The following ASIC2 variants were observed in gnomAD, a reference collection of about 807,000 sequenced individuals.
The protein encoded by ASIC2 is acid sensing ion channel subunit 2, also known as acid-sensing ion channel 2.
A neutral mutation model predicts 57.3 loss-of-function variants in ASIC2; 25 were observed. That is an observed-to-expected ratio of 0.44 (90% CI 0.32 to 0.61). The LOEUF (loss-of-function observed/expected upper bound fraction) is 0.61. Ranked by LOEUF, ASIC2 falls within the 20% of genes least tolerant of loss-of-function variation. The pLI is 0.06. For missense variants in ASIC2, 641 were observed against 738.1 expected, an observed-to-expected ratio of 0.87 and a Z score of 1.52; for synonymous variants, 319 against 307.5, an observed-to-expected ratio of 1.04 and a Z score of -0.39.
chr17:33,247,743 C>T (rs980273588), intron 1 of ASIC2, among the ~76,000 whole-genome samples: 7 of 152,092 alleles, frequency 4.6e-5, no homozygotes, highest in East Asian at 1.9e-4. Flanking sequence ...GACAGGAGGG[C>T]GAGTCTTCCC....
intron 1 of ASIC2, among the ~76,000 whole-genome samples, chr17:34,051,468 T>C (rs1377300973): frequency 6.6e-6 from 1 of 152,142 alleles, no homozygotes; most frequent in Non-Finnish European, 1.5e-5. Context: ...GGGATCAGAG[T>C]AGAAAATGTG....
intron 1 of ASIC2, among the ~76,000 whole-genome samples, chr17:33,144,493 C>A (rs1419763755): frequency 6.6e-6 from 1 of 152,080 alleles, no homozygotes; most frequent in Admixed American, 6.5e-5. Flanking sequence ...TGTGAGATAC[C>A]CTAGCATTCT....
At chr17:33,579,111 C>A (rs999528859) in intron 1 of ASIC2, among the ~76,000 whole-genome samples, 7 of 151,880 alleles carry the variant, frequency 4.6e-5, no homozygotes. Context: ...ATGGTGAAAC[C>A]CCGTCTCTAC....
At chr17:33,964,901 G>A (rs567106399) in intron 1 of ASIC2, among the ~76,000 whole-genome samples, 12 of 152,242 alleles carry the variant, frequency 7.9e-5, no homozygotes, top group South Asian at 6.2e-4. Flanking sequence ...CCTCAGTTTC[G>A]CTTCCAGCCT....
intron 1 of ASIC2, among the ~76,000 whole-genome samples, chr17:34,055,738 G>A (rs1043618358): frequency 6.6e-6 from 1 of 152,128 alleles, no homozygotes; most frequent in South Asian, 2.1e-4. Context: ...TTAGTATTCC[G>A]TTGTATAAAT....
chr17:33,813,241 A>G (rs1912477533), intron 1 of ASIC2, among the ~76,000 whole-genome samples: 1 of 152,140 alleles, frequency 6.6e-6, no homozygotes, highest in African/African-American at 2.4e-5. Context: ...TAGGGATATT[A>G]GTGACATCCA....
intron 1 of ASIC2, among the ~76,000 whole-genome samples, chr17:33,300,291 A>G (rs1905902502): frequency 6.6e-6 from 1 of 151,772 alleles, no homozygotes; most frequent in Non-Finnish European, 1.5e-5. Flanking sequence ...AAGTAATTGT[A>G]TTTCATGTTC....
intron 1 of ASIC2, among the ~76,000 whole-genome samples, chr17:33,477,966 G>A (rs7225810): frequency 0.24 from 35,929 of 152,140 alleles, 4,319 homozygotes; most frequent in African/African-American, 0.27. Flanking sequence ...GGATGAAGCA[G>A]GAGTAGCTAG....
At chr17:33,499,089 C>G (rs1329151289) in intron 1 of ASIC2, among the ~76,000 whole-genome samples, 2 of 152,148 alleles carry the variant, frequency 1.3e-5, no homozygotes, top group Non-Finnish European at 2.9e-5. Flanking sequence ...GTTTGCCTCC[C>G]CAGCATCCAT....
At chr17:33,640,148 C>T (rs918732429) in intron 1 of ASIC2, among the ~76,000 whole-genome samples, 1 of 151,650 alleles carries the variant, frequency 6.6e-6, no homozygotes, top group Non-Finnish European at 1.5e-5. Flanking sequence ...GGGTTTTTAT[C>T]TACATAATAA....
chr17:33,882,643 A>G (rs1012533486), intron 1 of ASIC2, among the ~76,000 whole-genome samples: 4 of 151,802 alleles, frequency 2.6e-5, no homozygotes, highest in African/African-American at 7.2e-5. Flanking sequence ...AGAAATAGGA[A>G]CTTTTACACT....
At chr17:33,828,270 C>G (rs1160511503) in intron 1 of ASIC2, 2 of 152,196 alleles carry the variant, frequency 1.3e-5, no homozygotes, top group Admixed American at 6.5e-5. Flanking sequence ...TCACCTATCC[C>G]TTCATTTACA....
In ASIC2 at chr17:33,098,337, T is replaced by C. The variant is rs1279413963; in HGVS notation, c.860-9347A>G. ...CTAAAATTGGGCAGTGTGTATCTTG[T>C]CCTTCCTCTCCAACCCTTCCCTGAC... On this transcript the variant is annotated intron_variant, in intron 2 of 9. Transcript: ENST00000225823. Among the ~76,000 whole-genome samples the C allele has an allele frequency of 2.0e-5, 3 of 151,554 alleles. No individual in the cohort carries two copies. In the East Asian group the frequency reaches 5.9e-4, roughly 30 times the overall value.
chr17:33,838,134 C>T (rs1913327715), intron 1 of ASIC2, among the ~76,000 whole-genome samples: 1 of 152,158 alleles, frequency 6.6e-6, no homozygotes, highest in Non-Finnish European at 1.5e-5. Flanking sequence ...GTCTTCTTCT[C>T]CCAACCAGAG....
rs115222901 is a variant in ASIC2 at position 33,411,296 on chromosome 17, T to C, written c.556-299229A>G. Among the ~76,000 whole-genome samples the C allele has an allele frequency of 1.0e-3, 157 of 152,326 alleles. 1 individual carries two copies. The highest frequency in any genetic ancestry group is 3.7e-3 in the African/African-American group (152 of 41,570). ...TTTGGATTATATGGTTGTTACCATT[T>C]GTCCTCCAGTGATTAGAAAAACTTT... On this transcript the variant is annotated intron_variant, in intron 1 of 9. Transcript: ENST00000359872.
At position 33,813,008 on chromosome 17, in the gene ASIC2, T is replaced by A. The variant is rs546769598; in HGVS notation, c.555+342970A>T. 5.2e-3 allele frequency among the ~76,000 whole-genome samples: 785 copies of A among 152,284 alleles called. 1 individual carries two copies. The highest frequency in any genetic ancestry group is 7.9e-3 in the Non-Finnish European group (537 of 68,014). ...TTTGGCTCAGGGTGAGCTGCTGATA[T>A]CCTCATCTGGTGCCAGGGCCAGTTC... On this transcript the variant is annotated intron_variant, in intron 1 of 9. Coordinates refer to the ASIC2 transcript ENST00000359872.
intron 1 of ASIC2, among the ~76,000 whole-genome samples, chr17:33,302,589 G>C (rs1906003812): frequency 1.3e-5 from 2 of 152,160 alleles, no homozygotes; most frequent in Admixed American, 6.5e-5. Context: ...CAGCTCTCCT[G>C]TCTCACCCAC....
At chr17:33,991,778 G>A (rs1471633581) in intron 1 of ASIC2, among the ~76,000 whole-genome samples, 1 of 152,122 alleles carries the variant, frequency 6.6e-6, no homozygotes, top group Non-Finnish European at 1.5e-5. Flanking sequence ...TTTTTCCTTG[G>A]TTATAGGAAT....
In ASIC2 at chr17:33,013,310, C is replaced by T. The variant is rs774567359; in HGVS notation, c.*655G>A. On this transcript the variant is annotated 3_prime_UTR_variant, in exon 10 of 10. Transcript: ENST00000225823. ...AAGCTGTGTCACAGGGAGAGAAGAACGACATGGGCACCATGGGTGAACACA... is the reference window on the plus strand; with the variant it reads ...AAGCTGTGTCACAGGGAGAGAAGAATGACATGGGCACCATGGGTGAACACA... 2.0e-5 allele frequency: 3 copies of T among 153,342 alleles called. No homozygotes were observed. The highest frequency in any genetic ancestry group is 2.9e-5 in the Non-Finnish European group (2 of 68,742). The allele number at this position is 153,342 out of a possible 1,614,324, so 9.5% of individuals were successfully genotyped here.
Sources: gnomAD v4.1 joint callset for allele counts (sites outside exome capture counted in the v4.1 genomes callset) on GRCh38, gnomAD v4.1.1 for gene constraint, MANE v1.5 for transcripts, NCBI Gene and HGNC (gene_info 2026-07-23, HGNC 2026-07-21) for gene names.